The following ENGASE variants were observed in gnomAD, a reference collection of about 807,000 sequenced individuals.
The protein encoded by ENGASE is endo-beta-N-acetylglucosaminidase.
A neutral mutation model predicts 78.5 loss-of-function variants in ENGASE; 69 were observed. The observed-to-expected ratio is 0.88, with a 90% CI of 0.72 to 1.07. The LOEUF (loss-of-function observed/expected upper bound fraction) is 1.07, where lower values mean the gene tolerates loss of function less well. Ranked by LOEUF, ENGASE falls within the 50% of genes least tolerant of loss-of-function variation. The pLI, the probability that ENGASE is intolerant of heterozygous loss-of-function variation, is 0.00. For synonymous variants in ENGASE, 408 were observed against 408.9 expected, an observed-to-expected ratio of 1.00 and a Z score of 0.03; for missense variants, 943 against 988.4, an observed-to-expected ratio of 0.95 and a Z score of 0.62.
At chr17:79,081,228 C>T (rs554819013) in intron 6 of ENGASE, among the ~76,000 whole-genome samples, 155 bp downstream of exon 6, 7 of 152,276 alleles carry the variant, frequency 4.6e-5, no homozygotes, top group South Asian at 2.1e-4. Flanking sequence ...GTGGGCCAGG[C>T]GCAGTGGCTC....
chr17:79,078,481 C>T (rs2073023851), intron 3 of ENGASE, among the ~76,000 whole-genome samples: 1 of 152,178 alleles, frequency 6.6e-6, no homozygotes, highest in Non-Finnish European at 1.5e-5. Flanking sequence ...GCAGGGGGTC[C>T]TCTTCGGCTG....
chr17:79,079,678 C>T, intron 4 of ENGASE, 41 bp downstream of exon 4: 1 of 1,593,484 alleles, frequency 6.3e-7, no homozygotes, highest in Non-Finnish European at 8.5e-7. Flanking sequence ...CCAGACTCCT[C>T]AGCTCACCAG....
rs749159476 is a variant in ENGASE, at chr17:79,080,364, T to C, written c.723T>C (p.Ser241=). Residue 241 remains serine (S), a splice_region_variant and synonymous_variant, in exon 5 of 14, where the codon AGT becomes AGC. Transcript: ENST00000579016. ...GWLINIENSL[S]LAAVGNMPPF... Reference sequence around the variant, plus strand: ...TGATCAACATCGAGAACTCGCTGAGTGTGAGTGCCCAGCCCTCACCCACCT... The same window carrying C: ...TGATCAACATCGAGAACTCGCTGAGCGTGAGTGCCCAGCCCTCACCCACCT... 1.9e-6 allele frequency: 3 copies of C among 1,612,726 alleles called. No homozygotes were observed. In the South Asian group the frequency reaches 3.3e-5, roughly 18 times the overall value.
Position 79,083,970 on chromosome 17 carries a change from A to T in ENGASE, c.1442+19A>T. The T allele has an allele frequency of 6.2e-7, 1 of 1,603,596 alleles. No homozygotes were observed. The highest frequency in any genetic ancestry group is 8.5e-7 in the Non-Finnish European group (1 of 1,176,362). On this transcript the variant is annotated intron_variant, in intron 10 of 13. Transcript: ENST00000579016. The surrounding 1 kb of genome is among the most constrained non-coding windows in gnomAD (Gnocchi z 4.9). ...CTGTGAGGTGGGTGAGTGACGGAGG[A>T]CGGTGGGCCCACCAGCTTCTCCCAT...
At position 79,083,457 on chromosome 17, in the gene ENGASE, G is replaced by A. The variant is rs757736041; in HGVS notation, c.1143-25G>A. On this transcript the variant is annotated intron_variant, in intron 8 of 13. Coordinates refer to ENST00000579016, the MANE Select transcript of ENGASE (RefSeq NM_001042573.3). The surrounding 1 kb of genome is among the most constrained non-coding windows in gnomAD (Gnocchi z 4.9). ...GGCTCCCTCCCTTCCTCCGGACCGAGCTGTTGCCCCCATGTCTCTGGCAGG... is the reference window on the plus strand; with the variant it reads ...GGCTCCCTCCCTTCCTCCGGACCGAACTGTTGCCCCCATGTCTCTGGCAGG... The A allele has an allele frequency of 1.3e-6, 2 of 1,581,428 alleles. No homozygotes were observed. Among genetic ancestry groups the A allele is most frequent in the East Asian group, 2.2e-5 (1 of 44,670 alleles).
chr17:79,079,961 C>T (rs562478506), intron 4 of ENGASE, among the ~76,000 whole-genome samples: 21 of 152,360 alleles, frequency 1.4e-4, no homozygotes, highest in African/African-American at 3.4e-4. Flanking sequence ...CACGGTTTGC[C>T]GATTCCTGGG....
At chr17:79,079,031 T>C (rs1356805557) in intron 3 of ENGASE, among the ~76,000 whole-genome samples, 1 of 152,186 alleles carries the variant, frequency 6.6e-6, no homozygotes, top group Non-Finnish European at 1.5e-5. Context: ...TTCCTGCCTC[T>C]CTCCCTGCCT....
chr17:79,083,343 C>T lies in ENGASE; in HGVS notation c.1143-139C>T, dbSNP rs1415736184. On this transcript the variant is annotated intron_variant, in intron 8 of 13. Coordinates refer to ENST00000579016, the MANE Select transcript of ENGASE (RefSeq NM_001042573.3). This position sits in a 1 kb window ranked among gnomAD's most constrained non-coding sequence, Gnocchi z 4.9. Reference sequence around the variant, plus strand: ...CTCGTGTTTGCAGCGTATCTGTAGACGGGGAGGCTGCAGTCCTCCTGGAAG... The same window carrying T: ...CTCGTGTTTGCAGCGTATCTGTAGATGGGGAGGCTGCAGTCCTCCTGGAAG... 16 of 719,714 alleles carry T rather than the reference C, an allele frequency of 2.2e-5. No homozygotes were observed. Among genetic ancestry groups the T allele is most frequent in the South Asian group, 7.2e-5 (4 of 55,526 alleles). 44.6% of individuals were successfully genotyped at this position (719,714 alleles called of 1,614,324 possible).
At chr17:79,079,739 C>A in intron 4 of ENGASE, 102 bp downstream of exon 4, 1 of 1,471,618 alleles carries the variant, frequency 6.8e-7, no homozygotes, top group African/African-American at 1.4e-5. Flanking sequence ...TTCTCAGTGC[C>A]CAGAGCCCCT....
At chr17:79,084,411 G>A (rs926701945) in intron 10 of ENGASE, 127 bp from the exon 11 acceptor site, 7 of 933,574 alleles carry the variant, frequency 7.5e-6, no homozygotes, top group African/African-American at 1.7e-5. Flanking sequence ...ACAGGACCAC[G>A]ATGTGGGAGC....
Position 79,080,198 on chromosome 17 carries a change from T to A in ENGASE, c.566-9T>A, listed in dbSNP as rs1196574427. On this transcript the variant is annotated splice_polypyrimidine_tract_variant and intron_variant, in intron 4 of 13. Coordinates refer to ENST00000579016, the MANE Select transcript of ENGASE (RefSeq NM_001042573.3). Reference sequence around the variant, plus strand: ...CGTGGCTGACCTTGTTTCTCTCCTATCCTCACAGGGACTTTCATCACGGAG... The same window carrying A: ...CGTGGCTGACCTTGTTTCTCTCCTAACCTCACAGGGACTTTCATCACGGAG... 1 of 1,582,874 alleles carries A rather than the reference T, an allele frequency of 6.3e-7. No homozygotes were observed. The highest frequency in any genetic ancestry group is 8.6e-7 in the Non-Finnish European group (1 of 1,163,336).
In ENGASE at chr17:79,079,483, C is replaced by A. The variant is rs569626929; in HGVS notation, c.417-6C>A. On this transcript the variant is annotated splice_polypyrimidine_tract_variant and splice_region_variant and intron_variant, in intron 3 of 13. Coordinates refer to ENST00000579016, the MANE Select transcript of ENGASE (RefSeq NM_001042573.3). The stretch of plus-strand genomic sequence containing the variant: ...GTGGCCAGCCCTGTTCTGTTTCTTT[C>A]CCCAGGTTCATTCAGGGCTCGGTGG... The A allele has an allele frequency of 4.3e-6, 7 of 1,611,760 alleles. No individual in the cohort carries two copies. The highest frequency in any genetic ancestry group is 1.7e-5 in the Admixed American group (1 of 59,604).
At chr17:79,075,863 T>A in intron 1 of ENGASE, 3 of 985,416 alleles carry the variant, frequency 3.0e-6, no homozygotes, top group Non-Finnish European at 3.6e-6. Context: ...GCTCTTTCCC[T>A]CCTAGTGGAG....
intron 1 of ENGASE, chr17:79,075,889 A>C: frequency 1.0e-6 from 1 of 985,386 alleles, no homozygotes; most frequent in African/African-American, 1.7e-5. Context: ...ACAGGTGACA[A>C]AGGTGACCTG....
chr17:79,081,035 G>A lies in ENGASE; in HGVS notation c.834G>A (p.Gly278=), dbSNP rs1290368599. The A allele has an allele frequency of 6.2e-7, 1 of 1,607,962 alleles. No individual in the cohort carries two copies. Among genetic ancestry groups the A allele is most frequent in the Admixed American group, 1.7e-5 (1 of 59,846 alleles). The change falls in exon 6 of 14, where the codon GGG becomes GGA. Residue 278 remains glycine (G), a synonymous_variant. Coordinates refer to ENST00000579016, the MANE Select transcript of ENGASE (RefSeq NM_001042573.3). ...VLWYDSVVQS[G]QLKWQDELNQ... ...GGTATGACAGCGTGGTGCAAAGTGG[G>A]CAGCTCAAATGGCAAGACGAACTCA...
At chr17:79,079,192 CT>C (rs1380169233) in intron 3 of ENGASE, among the ~76,000 whole-genome samples, 2 of 152,194 alleles carry the variant, frequency 1.3e-5, no homozygotes, top group Non-Finnish European at 2.9e-5. Flanking sequence ...GAGACAGGGT[CT>C]TACTCTGTCA....
At chr17:79,075,129 GC>G in intron 1 of ENGASE, 39 bp downstream of exon 1, 2 of 1,202,882 alleles carry the variant, frequency 1.7e-6, no homozygotes, top group Non-Finnish European at 2.1e-6. Flanking sequence ...GATCCGCGGG[GC>G]TGAGAGTCCG....
rs979890962 is a variant in ENGASE at position 79,087,293 on chromosome 17, G to T, written c.*944G>T. The stretch of plus-strand genomic sequence containing the variant: ...TTTTCCAGCTACTCTGTTCCTTCAC[G>T]TCCTCCCTTCTCAGCCTCGTCCAAG... On this transcript the variant is annotated 3_prime_UTR_variant, in exon 14 of 14. Coordinates refer to ENST00000579016, the MANE Select transcript of ENGASE (RefSeq NM_001042573.3). 1 of 337,052 alleles carries T rather than the reference G, an allele frequency of 3.0e-6. No individual in the cohort carries two copies. The highest frequency in any genetic ancestry group is 5.9e-6 in the Non-Finnish European group (1 of 168,372). The allele number at this position is 337,052 out of a possible 1,614,324, so 20.9% of individuals were successfully genotyped here.
Position 79,086,446 on chromosome 17 carries a change from T to C in ENGASE, c.*97T>C, listed in dbSNP as rs532971588. 3 of 1,419,572 alleles carry C rather than the reference T, an allele frequency of 2.1e-6. No homozygotes were observed. The highest frequency in any genetic ancestry group is 4.9e-5 in the East Asian group (2 of 40,876). 87.9% of individuals were successfully genotyped at this position (1,419,572 alleles called of 1,614,324 possible). A position where few individuals can be genotyped will look rare whatever the true frequency, so the allele number is the denominator to read the frequency against. ...CGCTGGACCTGCTAAGTGCCCACAGTGGCAGCGAGGTCCCGGTCCCGGGGC... is the reference window on the plus strand; with the variant it reads ...CGCTGGACCTGCTAAGTGCCCACAGCGGCAGCGAGGTCCCGGTCCCGGGGC... On this transcript the variant is annotated 3_prime_UTR_variant, in exon 14 of 14. Coordinates refer to ENST00000579016, the MANE Select transcript of ENGASE (RefSeq NM_001042573.3).
Sources: allele counts gnomAD v4.1 joint callset (sites outside exome capture counted in the v4.1 genomes callset), GRCh38; gene constraint gnomAD v4.1.1; non-coding constraint Gnocchi (gnomAD v3.1); transcripts MANE v1.5; gene names NCBI Gene and HGNC (gene_info 2026-07-23, HGNC 2026-07-21).